KCNG3: variants seen among roughly 807,000 people sequenced by gnomAD.
KCNG3 encodes the protein voltage-gated potassium channel regulatory subunit KCNG3.
KCNG3 carries 15 observed loss-of-function variants against 29.0 expected under a neutral mutation model. That is an observed-to-expected ratio of 0.52 (90% CI 0.35 to 0.80). KCNG3 has a LOEUF of 0.80. Ranked by LOEUF, KCNG3 falls within the 30% of genes least tolerant of loss-of-function variation. The probability of loss-of-function intolerance (pLI) is 0.01; values close to 1 mark genes in which losing one functional copy is unlikely to be tolerated. For synonymous variants in KCNG3, 322 were observed against 248.9 expected, an observed-to-expected ratio of 1.29 and a Z score of -2.76; for missense variants, 512 against 605.7, an observed-to-expected ratio of 0.85 and a Z score of 1.62.
chr2:42,425,487 G>A, the KCNG3 span, among the ~76,000 whole-genome samples: 2 of 151,636 alleles, frequency 1.3e-5, no homozygotes, highest in Admixed American at 6.6e-5. Flanking sequence ...AAGAGAAATA[G>A]AGGGATGATG....
intron 1 of KCNG3, among the ~76,000 whole-genome samples, chr2:42,482,895 T>G (rs1345946227): frequency 6.6e-6 from 1 of 151,972 alleles, no homozygotes; most frequent in Admixed American, 6.6e-5. Flanking sequence ...CCGAGATACA[T>G]GGATCACTCA....
At chr2:42,461,893 ATTACCATTT>A (rs1250571137) in intron 1 of KCNG3, among the ~76,000 whole-genome samples, 1 of 152,218 alleles carries the variant, frequency 6.6e-6, no homozygotes, top group East Asian at 1.9e-4. Context: ...TTAATAGTAT[ATTACCATTT>A]TGGCTTCAAG....
the KCNG3 span, among the ~76,000 whole-genome samples, chr2:42,388,958 C>T: frequency 6.6e-6 from 1 of 152,082 alleles, no homozygotes; most frequent in African/African-American, 2.4e-5. Flanking sequence ...CGCCCTGTCA[C>T]CCAGGCTGGA....
At chr2:42,441,301 C>G (rs1033993866), downstream of KCNG3, among the ~76,000 whole-genome samples, 3 of 152,008 alleles carry the variant, frequency 2.0e-5, no homozygotes, top group Admixed American at 6.6e-5. Flanking sequence ...GGTGGGAGGA[C>G]TGCTTGAGCC....
the KCNG3 span, among the ~76,000 whole-genome samples, chr2:42,416,012 T>C: frequency 6.6e-6 from 1 of 152,002 alleles, no homozygotes; most frequent in African/African-American, 2.4e-5. Flanking sequence ...CTGGCCAACA[T>C]GGTGAAACTC....
At chr2:42,472,389 T>C (rs973572592) in intron 1 of KCNG3, among the ~76,000 whole-genome samples, 5 of 152,200 alleles carry the variant, frequency 3.3e-5, no homozygotes, top group East Asian at 1.9e-4. Flanking sequence ...CATAATCATA[T>C]ATTAAATGTA....
chr2:42,451,553 C>T (rs894032299), intron 1 of KCNG3, among the ~76,000 whole-genome samples: 1 of 151,500 alleles, frequency 6.6e-6, no homozygotes, highest in African/African-American at 2.4e-5. Context: ...GGTGAAACCC[C>T]GTCTCTACTA....
downstream of KCNG3, among the ~76,000 whole-genome samples, chr2:42,437,250 G>A (rs1216705895): frequency 6.6e-6 from 1 of 151,968 alleles, no homozygotes; most frequent in Non-Finnish European, 1.5e-5. Context: ...TTTTAAACAG[G>A]GTTAACTGGG....
the KCNG3 span, among the ~76,000 whole-genome samples, chr2:42,410,712 T>C: frequency 6.6e-6 from 1 of 152,168 alleles, no homozygotes; most frequent in African/African-American, 2.4e-5. Context: ...AACATTTTTT[T>C]AAGCTTTTAT....
At chr2:42,440,401 G>C (rs1672445610), downstream of KCNG3, 1 of 151,372 alleles carries the variant, frequency 6.6e-6, no homozygotes, top group Non-Finnish European at 1.5e-5. Flanking sequence ...GAGGTGAAGT[G>C]GACAGAAGGG....
the KCNG3 span, chr2:42,388,442 TACTC>T: frequency 1.3e-5 from 2 of 152,204 alleles, no homozygotes; most frequent in African/African-American, 2.4e-5. Flanking sequence ...AAAATGTACA[TACTC>T]ACTGTCTTAG....
At chr2:42,457,797 CAG>C (rs1195619490) in intron 1 of KCNG3, among the ~76,000 whole-genome samples, 1 of 151,006 alleles carries the variant, frequency 6.6e-6, no homozygotes, top group African/African-American at 2.4e-5. Context: ...GCCTGGGTAA[CAG>C]AGTAAGACCC....
the KCNG3 span, among the ~76,000 whole-genome samples, chr2:42,393,518 A>G: frequency 6.6e-6 from 1 of 151,964 alleles, no homozygotes; most frequent in Non-Finnish European, 1.5e-5. Flanking sequence ...CTGAGATTGC[A>G]CCACTGCACT....
downstream of KCNG3, among the ~76,000 whole-genome samples, chr2:42,438,875 T>C (rs553582800): frequency 6.6e-6 from 1 of 152,296 alleles, no homozygotes; most frequent in South Asian, 2.1e-4. Flanking sequence ...GGTTTCTGAG[T>C]GCAGATGGGC....
chr2:42,472,673 A>G (rs1558384471), intron 1 of KCNG3, among the ~76,000 whole-genome samples: 1 of 149,620 alleles, frequency 6.7e-6, no homozygotes, highest in Non-Finnish European at 1.5e-5. Flanking sequence ...TAATTTTTGT[A>G]TTTTTTGGTA....
the KCNG3 span, among the ~76,000 whole-genome samples, chr2:42,413,047 G>A: frequency 1.3e-5 from 2 of 152,224 alleles, no homozygotes; most frequent in Admixed American, 1.3e-4. Context: ...ATAGTTCACT[G>A]CAGCTTTTAT....
At chr2:42,437,055 C>G (rs961303544), downstream of KCNG3, among the ~76,000 whole-genome samples, 1 of 152,114 alleles carries the variant, frequency 6.6e-6, no homozygotes, top group African/African-American at 2.4e-5. Flanking sequence ...ACATTTACAA[C>G]CCTTTTTTCC....
At chr2:42,394,389 G>A in the KCNG3 span, among the ~76,000 whole-genome samples, 14 of 152,266 alleles carry the variant, frequency 9.2e-5, no homozygotes, top group Admixed American at 7.2e-4. Context: ...CCCTCCCACA[G>A]GGGAGTTTTC....
chr2:42,446,654 C>T (rs1398463721), intron 1 of KCNG3, among the ~76,000 whole-genome samples: 1 of 152,098 alleles, frequency 6.6e-6, no homozygotes, highest in Admixed American at 6.5e-5. Context: ...AAAAGAATTA[C>T]TCAAAGTGCA....
Sources: allele counts gnomAD v4.1 joint callset (sites outside exome capture counted in the v4.1 genomes callset), GRCh38; gene constraint gnomAD v4.1.1; transcripts MANE v1.5; gene names NCBI Gene and HGNC (gene_info 2026-07-23, HGNC 2026-07-21).